Variants in CPPED1 observed in about 807,000 individuals in gnomAD.
CPPED1 encodes the protein calcineurin like phosphoesterase domain containing 1.
CPPED1 carries 28 observed loss-of-function variants against 28.0 expected under a neutral mutation model. The observed-to-expected ratio is 1.00, with a 90% confidence interval of 0.74 to 1.37. CPPED1 has a LOEUF of 1.37. CPPED1 is among the 40% of genes most tolerant of loss of function. CPPED1 has a pLI of 0.00. For missense variants in CPPED1, 504 were observed against 416.5 expected (o/e 1.21, Z -1.83); for synonymous variants, 198 against 180.2 (o/e 1.10, Z -0.79).
intron 2 of CPPED1, among the ~76,000 whole-genome samples, chr16:12,713,920 GCAGCCCTT>G (rs1272856262): frequency 6.6e-6 from 1 of 152,032 alleles, no homozygotes; most frequent in African/African-American, 2.4e-5. Context: ...TCACCCATTA[GCAGCCCTT>G]CCCCATTGCC....
Position 12,704,731 on chromosome 16 carries a change from A to G in CPPED1, c.608T>C (p.Phe203Ser). 1 of 1,614,218 alleles carries G rather than the reference A, an allele frequency of 6.2e-7. No individual in the cohort carries two copies. Among genetic ancestry groups the G allele is most frequent in the Non-Finnish European group, 8.5e-7 (1 of 1,180,030 alleles). Residue 203 changes from phenylalanine to serine, a missense_variant, in exon 3 of 4, where the codon TTC becomes TCC. Phe to Ser is a radical substitution (Grantham distance 155, BLOSUM62 -2). Transcript: ENST00000381774. ...CTCCAGGAACAGCGGGATGTGCTGG[A>G]AGACGATGGCATGCTGGCAGTGCCG... ...RQRHCQHAIV[F>S]QHIPLFLESI...
intron 1 of CPPED1, among the ~76,000 whole-genome samples, chr16:12,791,094 A>C (rs558782675): frequency 6.6e-6 from 1 of 151,428 alleles, no homozygotes; most frequent in South Asian, 2.1e-4. Flanking sequence ...ACATGTGCAG[A>C]ACACGCAGGT....
chr16:12,763,989 A>G (rs995008577), intron 2 of CPPED1, among the ~76,000 whole-genome samples: 2 of 151,866 alleles, frequency 1.3e-5, no homozygotes, highest in African/African-American at 4.8e-5. Context: ...CCAGGACAAC[A>G]ACAAGGTATT....
rs939161147 is a variant in CPPED1, at chr16:12,697,732, G to C, written c.715+6892C>G. On this transcript the variant is annotated intron_variant, in intron 3 of 3. Transcript: ENST00000381774. ...TTGAGTAGTTGCTACAGAGACCATAGAGCCACAAAGCCCAAAATATTTACT... is the reference window on the plus strand; with the variant it reads ...TTGAGTAGTTGCTACAGAGACCATACAGCCACAAAGCCCAAAATATTTACT... Among the ~76,000 whole-genome samples, 5 of 152,092 alleles carry C rather than the reference G, an allele frequency of 3.3e-5. No homozygotes were observed. In the South Asian group the frequency reaches 6.2e-4, roughly 19 times the overall value.
intron 3 of CPPED1, among the ~76,000 whole-genome samples, chr16:12,677,002 G>T (rs2079880967): frequency 6.6e-6 from 1 of 152,156 alleles, no homozygotes; most frequent in African/African-American, 2.4e-5. Flanking sequence ...TAAAACACCT[G>T]CCAAGTAGAG....
At chr16:12,726,501 C>G (rs983710734) in intron 2 of CPPED1, among the ~76,000 whole-genome samples, 2 of 151,930 alleles carry the variant, frequency 1.3e-5, no homozygotes, top group African/African-American at 4.8e-5. Flanking sequence ...TATCACCACA[C>G]CCAGCTAATT....
At chr16:12,690,951 AGG>A (rs2079959512) in intron 3 of CPPED1, among the ~76,000 whole-genome samples, 2 of 152,266 alleles carry the variant, frequency 1.3e-5, no homozygotes, top group Non-Finnish European at 1.5e-5. Context: ...AATGGGCAGG[AGG>A]GTGAGCAGGT....
chr16:12,731,433 G>A (rs2080196941), intron 2 of CPPED1, among the ~76,000 whole-genome samples: 1 of 151,596 alleles, frequency 6.6e-6, no homozygotes, highest in African/African-American at 2.4e-5. Context: ...GACTGCTGGG[G>A]CATGGGTCCC....
At chr16:12,707,083 A>G (rs1190844132) in intron 2 of CPPED1, among the ~76,000 whole-genome samples, 1 of 152,150 alleles carries the variant, frequency 6.6e-6, no homozygotes, top group African/African-American at 2.4e-5. Context: ...GATCCTCTCT[A>G]AGACTCCAGT....
chr16:12,698,970 T>C (rs1404725769), intron 3 of CPPED1, among the ~76,000 whole-genome samples: 1 of 152,192 alleles, frequency 6.6e-6, no homozygotes, highest in East Asian at 1.9e-4. Context: ...TATCGAGACA[T>C]CAAGGGAAAC....
chr16:12,665,073 C>T lies in CPPED1; in HGVS notation c.758G>A (p.Gly253Glu), dbSNP rs763025370. 6.2e-7 allele frequency: 1 copy of T among 1,606,546 alleles called. No individual in the cohort carries two copies. Among genetic ancestry groups the T allele is most frequent in the Non-Finnish European group, 8.5e-7 (1 of 1,177,784 alleles). The change falls in exon 4 of 4, where the codon GGG becomes GAG. Residue 253 changes from glycine to glutamate, a missense_variant. By Grantham distance (98) the Gly-to-Glu change is moderately conservative (BLOSUM62 -2). Coordinates refer to ENST00000381774, the MANE Select transcript of CPPED1 (RefSeq NM_018340.3). ...CATGTCGAGGTTCTGGTAGGTACCC[C>T]CGGCATTCCTGTGGTAGTGGCCTGA... is the stretch of plus-strand genomic sequence containing the variant. ...VFSGHYHRNA[G>E]GTYQNLDMVV... is the part of the protein sequence containing the mutation.
intron 2 of CPPED1, among the ~76,000 whole-genome samples, chr16:12,767,608 A>G (rs1051833048): frequency 1.3e-5 from 2 of 152,222 alleles, no homozygotes; most frequent in African/African-American, 4.8e-5. Flanking sequence ...GACAGGGCCC[A>G]CTGGCTGGAT....
At chr16:12,766,242 A>AATATATATATATATATATATATATAT (rs71393703) in intron 2 of CPPED1, among the ~76,000 whole-genome samples, 7 of 126,636 alleles carry the variant, frequency 5.5e-5, no homozygotes, top group African/African-American at 2.6e-4. Context: ...AAAAAATACA[A>AATATATATATATATATATATATATAT]ATATATATAT....
At position 12,709,972 on chromosome 16, in the gene CPPED1, G is replaced by C. The variant is rs1273017870; in HGVS notation, c.290-4923C>G. On this transcript the variant is annotated intron_variant, in intron 2 of 3. Transcript: ENST00000381774. The surrounding 1 kb of genome is among the most constrained non-coding windows in gnomAD (Gnocchi z 4.4). ...GAAGGAAAGAAGGGAAGGAAGGCAA[G>C]GAAGGAAGGAAGGGAAGAGAAGAGA... Among the ~76,000 whole-genome samples, 1 of 148,030 alleles carries C rather than the reference G, an allele frequency of 6.8e-6. No homozygotes were observed. Among genetic ancestry groups the C allele is most frequent in the Non-Finnish European group, 1.5e-5 (1 of 67,008 alleles).
In CPPED1 at chr16:12,664,570, C is replaced by T. The variant is rs1393418791; in HGVS notation, c.*316G>A. 7.8e-6 allele frequency: 9 copies of T among 1,156,114 alleles called. No individual in the cohort carries two copies. In the Admixed American group the frequency reaches 4.7e-4, roughly 61 times the overall value. 71.6% of individuals were successfully genotyped at this position (1,156,114 alleles called of 1,614,324 possible). Reference sequence around the variant, plus strand: ...AGGCAGACTTTGACCATATGCTAACCAGAATACAATCCAATTCAAAAGTGG... The same window carrying T: ...AGGCAGACTTTGACCATATGCTAACTAGAATACAATCCAATTCAAAAGTGG... On this transcript the variant is annotated 3_prime_UTR_variant, in exon 4 of 4. Coordinates refer to ENST00000381774, the MANE Select transcript of CPPED1 (RefSeq NM_018340.3). This position sits in a 1 kb window ranked among gnomAD's most constrained non-coding sequence, Gnocchi z 4.2.
At chr16:12,724,431 G>A (rs1301973244) in intron 2 of CPPED1, among the ~76,000 whole-genome samples, 3 of 152,186 alleles carry the variant, frequency 2.0e-5, no homozygotes, top group Non-Finnish European at 2.9e-5. Flanking sequence ...TCACTTCCAT[G>A]AGTGGCCCGT....
At chr16:12,797,632 T>C (rs540628135) in intron 1 of CPPED1, among the ~76,000 whole-genome samples, 1 of 152,292 alleles carries the variant, frequency 6.6e-6, no homozygotes, top group Non-Finnish European at 1.5e-5. Context: ...ATCTTTTGGC[T>C]TTCCTGGGCC....
intron 3 of CPPED1, among the ~76,000 whole-genome samples, chr16:12,686,679 C>T (rs1385419865): frequency 6.6e-6 from 1 of 152,078 alleles, no homozygotes; most frequent in Non-Finnish European, 1.5e-5. Flanking sequence ...TAACCCTGGC[C>T]CATGTCTGTA....
intron 3 of CPPED1, among the ~76,000 whole-genome samples, chr16:12,703,187 G>T (rs1416631815): frequency 6.6e-6 from 1 of 152,152 alleles, no homozygotes; most frequent in Non-Finnish European, 1.5e-5. Flanking sequence ...CTCAAGCATG[G>T]CATGAAATTT....
Sources: gnomAD v4.1 joint callset for allele counts (sites outside exome capture counted in the v4.1 genomes callset) on GRCh38, gnomAD v4.1.1 for gene constraint, Gnocchi (gnomAD v3.1) non-coding constraint, MANE v1.5 for transcripts, NCBI Gene and HGNC (gene_info 2026-07-23, HGNC 2026-07-21) for gene names.